HDGFL3: variants seen among roughly 807,000 people sequenced by gnomAD.
The protein encoded by HDGFL3 is hepatoma-derived growth factor-related protein 3.
HDGFL3 carries 6 observed loss-of-function variants against 27.6 expected under a neutral mutation model. The ratio of observed to expected loss-of-function variants is 0.22; its 90% CI spans 0.12 to 0.43. The LOEUF is 0.43. Ranked by LOEUF, HDGFL3 falls within the 20% of genes least tolerant of loss-of-function variation. The pLI is 1.00. For synonymous variants in HDGFL3, 88 were observed against 88.9 expected, an observed-to-expected ratio of 0.99 and a Z score of 0.05; for missense variants, 207 against 250.1, an observed-to-expected ratio of 0.83 and a Z score of 1.16.
chr15:83,195,150 G>A (rs533044623), intron 1 of HDGFL3, among the ~76,000 whole-genome samples: 69 of 152,096 alleles, frequency 4.5e-4, no homozygotes, highest in African/African-American at 1.6e-3. Flanking sequence ...TCTTTTCCAC[G>A]CTCTTTCTTA....
chr15:83,201,371 AAGTAACATTCAC>A (rs1233096093), intron 1 of HDGFL3, among the ~76,000 whole-genome samples: 1 of 152,160 alleles, frequency 6.6e-6, no homozygotes, highest in Non-Finnish European at 1.5e-5. Context: ...TGTCACTGAC[AAGTAACATTCAC>A]AGGACATGCT....
intron 1 of HDGFL3, among the ~76,000 whole-genome samples, chr15:83,176,615 T>C (rs908550201): frequency 6.6e-6 from 1 of 152,124 alleles, no homozygotes; most frequent in Non-Finnish European, 1.5e-5. Context: ...CTGGGACTCA[T>C]TAGAAATGCT....
chr15:83,115,897 G>A, intron 3 of HDGFL3: 2 of 1,614,172 alleles, frequency 1.2e-6, no homozygotes, highest in African/African-American at 1.3e-5. Flanking sequence ...TAGGACTGGA[G>A]CAAGATGGAA....
chr15:83,152,530 G>A (rs1441701558), intron 4 of HDGFL3, among the ~76,000 whole-genome samples: 1 of 151,900 alleles, frequency 6.6e-6, no homozygotes, highest in Non-Finnish European at 1.5e-5. Context: ...GTGAAACCCT[G>A]TCTCTACTAA....
intron 3 of HDGFL3, among the ~76,000 whole-genome samples, chr15:83,118,122 A>T (rs1166412302): frequency 1.3e-5 from 2 of 152,034 alleles, no homozygotes; most frequent in Non-Finnish European, 2.9e-5. Context: ...AGTGCTTTGG[A>T]AGACAAAGGC....
intron 5 of HDGFL3, among the ~76,000 whole-genome samples, chr15:83,150,143 TC>T (rs1379565964): frequency 6.6e-6 from 1 of 152,302 alleles, no homozygotes; most frequent in African/African-American, 2.4e-5. Flanking sequence ...GGACAACTCT[TC>T]CTTTGTCATG....
At chr15:83,160,211 G>A (rs147089552) in intron 2 of HDGFL3, among the ~76,000 whole-genome samples, 4 of 150,748 alleles carry the variant, frequency 2.7e-5, no homozygotes, top group Admixed American at 1.3e-4. Flanking sequence ...TTTTTGAGAC[G>A]GAGTCTCACT....
chr15:83,183,909 G>A (rs1353474393), intron 1 of HDGFL3, among the ~76,000 whole-genome samples: 1 of 151,894 alleles, frequency 6.6e-6, no homozygotes, highest in African/African-American at 2.4e-5. Flanking sequence ...ATGACTCTTA[G>A]CTGGCCCTCC....
At chr15:83,170,696 C>A (rs2037234725) in intron 1 of HDGFL3, among the ~76,000 whole-genome samples, 1 of 152,020 alleles carries the variant, frequency 6.6e-6, no homozygotes, top group African/African-American at 2.4e-5. Flanking sequence ...AAAGCATTTG[C>A]AGCACAAACA....
In HDGFL3 at chr15:83,151,246, G is replaced by C; in HGVS notation, c.575C>G (p.Thr192Arg). The C allele has an allele frequency of 6.2e-7, 1 of 1,613,008 alleles. No homozygotes were observed. The highest frequency in any genetic ancestry group is 2.2e-5 in the East Asian group (1 of 44,872). The change falls in exon 5 of 6, where the codon ACA becomes AGA. Residue 192 changes from threonine to arginine, a missense_variant. Transcript: ENST00000299633. Reference protein sequence around the residue: ...GGDAGNDTRNTTSDLQKTSEG... With the variant: ...GGDAGNDTRNRTSDLQKTSEG... ...ACTGGTTTTCTGCAAGTCTGAAGTTGTGTTTCTTGTGTCGTTGCCCGCATC... is the reference window on the plus strand; with the variant it reads ...ACTGGTTTTCTGCAAGTCTGAAGTTCTGTTTCTTGTGTCGTTGCCCGCATC...
intron 3 of HDGFL3, among the ~76,000 whole-genome samples, chr15:83,120,772 G>C (rs966132259): frequency 6.6e-6 from 1 of 151,830 alleles, no homozygotes; most frequent in African/African-American, 2.4e-5. Context: ...CACCATGTTG[G>C]CCAGGCTGGT....
chr15:83,124,384 C>G (rs1375022831), downstream of HDGFL3, among the ~76,000 whole-genome samples: 2 of 151,888 alleles, frequency 1.3e-5, no homozygotes, highest in Admixed American at 1.3e-4. Flanking sequence ...TATGGTTTAC[C>G]TTTAAAATTT....
At chr15:83,118,159 G>T (rs768766412) in intron 3 of HDGFL3, among the ~76,000 whole-genome samples, 36 of 152,048 alleles carry the variant, frequency 2.4e-4, no homozygotes, top group Non-Finnish European at 4.9e-4. Flanking sequence ...GCCAGGAGTT[G>T]AGACTGCAGT....
downstream of HDGFL3, among the ~76,000 whole-genome samples, chr15:83,126,593 C>A (rs1268529623): frequency 6.6e-6 from 1 of 152,160 alleles, no homozygotes; most frequent in Non-Finnish European, 1.5e-5. Flanking sequence ...CTCCTTAGAA[C>A]AAATCTGCAA....
intron 1 of HDGFL3, among the ~76,000 whole-genome samples, chr15:83,176,053 G>A (rs1322958139): frequency 6.6e-6 from 1 of 152,212 alleles, no homozygotes; most frequent in Non-Finnish European, 1.5e-5. Context: ...CAAAGAATCT[G>A]ATACACTAGT....
chr15:83,132,644 T>C lies in HDGFL3; in HGVS notation c.*6626A>G, dbSNP rs1236924245. 1.3e-5 allele frequency: 2 copies of C among 152,154 alleles called. No individual in the cohort carries two copies. Among genetic ancestry groups the C allele is most frequent in the Non-Finnish European group, 2.9e-5 (2 of 68,026 alleles). The allele number at this position is 152,154 out of a possible 1,614,324, so 9.4% of individuals were successfully genotyped here. A position where few individuals can be genotyped will look rare whatever the true frequency, so the allele number is the denominator to read the frequency against. On this transcript the variant is annotated 3_prime_UTR_variant, in exon 6 of 6. Coordinates refer to ENST00000299633, the MANE Select transcript of HDGFL3 (RefSeq NM_016073.4). Reference sequence around the variant, plus strand: ...CCTGGACTCAAGTGACCCTCCCGCCTTGGCATCCCAAAGTGCTGGGATTAT... The same window carrying C: ...CCTGGACTCAAGTGACCCTCCCGCCCTGGCATCCCAAAGTGCTGGGATTAT...
At chr15:83,117,741 C>T (rs925866874) in intron 3 of HDGFL3, among the ~76,000 whole-genome samples, 3 of 151,982 alleles carry the variant, frequency 2.0e-5, no homozygotes, top group Non-Finnish European at 4.4e-5. Context: ...GGGGCTTGGT[C>T]CAGCAGGCTG....
chr15:83,125,691 C>G (rs1198870977), downstream of HDGFL3, among the ~76,000 whole-genome samples: 1 of 152,222 alleles, frequency 6.6e-6, no homozygotes, highest in African/African-American at 2.4e-5. Flanking sequence ...GTGACAATTT[C>G]TATTCGAAGC....
intron 5 of HDGFL3, among the ~76,000 whole-genome samples, chr15:83,141,422 A>G (rs1011238384): frequency 6.6e-6 from 1 of 152,250 alleles, no homozygotes; most frequent in Non-Finnish European, 1.5e-5. Context: ...TGAAGGAATG[A>G]TAATATTCAA....
Sources: gnomAD v4.1 joint callset for allele counts (sites outside exome capture counted in the v4.1 genomes callset) on GRCh38, gnomAD v4.1.1 for gene constraint, MANE v1.5 for transcripts, NCBI Gene and HGNC (gene_info 2026-07-23, HGNC 2026-07-21) for gene names.